Variants in IGSF21 observed in about 807,000 individuals in gnomAD.
The protein encoded by IGSF21 is immunoglobin superfamily member 21.
Under a neutral mutation model 46.8 loss-of-function variants are expected in IGSF21, and 28 were observed. The observed-to-expected ratio is 0.60, with a 90% confidence interval of 0.44 to 0.82. The LOEUF (loss-of-function observed/expected upper bound fraction) is 0.82. Ranked by LOEUF, IGSF21 falls within the 40% of genes least tolerant of loss-of-function variation. The pLI is 0.00. For synonymous variants in IGSF21, 284 were observed against 273.6 expected (o/e 1.04, Z -0.38); for missense variants, 624 against 665.5 (o/e 0.94, Z 0.69).
chr1:18,361,946 C>T (rs1487789559), intron 4 of IGSF21, 169 bp from the exon 5 acceptor site: 4 of 592,692 alleles, frequency 6.7e-6, no homozygotes, highest in Non-Finnish European at 1.2e-5. Flanking sequence ...CCAGCAAGGA[C>T]GTGTTCCTCA....
At chr1:18,324,277 A>G (rs1025223887) in intron 3 of IGSF21, among the ~76,000 whole-genome samples, 2 of 152,306 alleles carry the variant, frequency 1.3e-5, no homozygotes, top group Admixed American at 6.5e-5. Flanking sequence ...TTGTGTGGTG[A>G]AAAGAGCACC....
intron 3 of IGSF21, among the ~76,000 whole-genome samples, chr1:18,304,248 C>G (rs2124578407): frequency 6.6e-6 from 1 of 152,304 alleles, no homozygotes; most frequent in South Asian, 2.1e-4. Flanking sequence ...TAGGACAGAA[C>G]TCACGAGTTG....
At chr1:18,325,319 G>T (rs2085646918) in intron 3 of IGSF21, among the ~76,000 whole-genome samples, 1 of 152,134 alleles carries the variant, frequency 6.6e-6, no homozygotes, top group South Asian at 2.1e-4. Flanking sequence ...CTAGGCTCTG[G>T]TATTTGAGGT....
Position 18,376,710 on chromosome 1 carries a change from G to A in IGSF21, c.1102-90G>A, listed in dbSNP as rs1375439587. 5.5e-6 allele frequency: 7 copies of A among 1,279,616 alleles called. No individual in the cohort carries two copies. The East Asian group carries it at 9.4e-5, about 17-fold the overall frequency. 79.3% of individuals were successfully genotyped at this position (1,279,616 alleles called of 1,614,324 possible). A position where few individuals can be genotyped will look rare whatever the true frequency, so the allele number is the denominator to read the frequency against. On this transcript the variant is annotated intron_variant, in intron 7 of 9. Transcript: ENST00000251296. ...CTAACCCGTCGGATGAGAATGCTGT[G>A]CCACCCCTGGCCAGGCAGCCCCTGA...
At chr1:18,376,497 T>A in intron 7 of IGSF21, 102 bp downstream of exon 7, 1 of 868,820 alleles carries the variant, frequency 1.2e-6, no homozygotes, top group Non-Finnish European at 2.0e-6. Flanking sequence ...CTTCCTTTGA[T>A]CCCCAGCCAC....
chr1:18,199,979 A>G (rs1432058216), intron 1 of IGSF21, among the ~76,000 whole-genome samples: 3 of 151,834 alleles, frequency 2.0e-5, no homozygotes, highest in African/African-American at 4.8e-5. Context: ...AGCGGGTCCA[A>G]GGGGGCTCTG....
At position 18,365,704 on chromosome 1, in the gene IGSF21, C is replaced by T. The variant is rs2086157853; in HGVS notation, c.1015+7C>T. 6.2e-7 allele frequency: 1 copy of T among 1,603,428 alleles called. No homozygotes were observed. Among genetic ancestry groups the T allele is most frequent in the Non-Finnish European group, 8.5e-7 (1 of 1,173,008 alleles). On this transcript the variant is annotated splice_region_variant and intron_variant, in intron 6 of 9. Transcript: ENST00000251296. The surrounding 1 kb of genome is among the most constrained non-coding windows in gnomAD (Gnocchi z 4.8). ...CAGGCAGAGGTCACGCTGGGTAAGA[C>T]TTGGTGGGGGCCCTTCTGTAGAGCC...
intron 1 of IGSF21, among the ~76,000 whole-genome samples, chr1:18,200,302 G>C (rs901033035): frequency 6.6e-6 from 1 of 152,186 alleles, no homozygotes; most frequent in Non-Finnish European, 1.5e-5. Flanking sequence ...GGTAGACAGC[G>C]CCCCCCTTTG....
intron 6 of IGSF21, among the ~76,000 whole-genome samples, chr1:18,367,512 C>T (rs1339738621): frequency 6.6e-6 from 1 of 151,882 alleles, no homozygotes; most frequent in African/African-American, 2.4e-5. Context: ...CCACTGAACT[C>T]ACCAGCCCCA....
At chr1:18,144,695 G>A (rs935850677) in intron 1 of IGSF21, among the ~76,000 whole-genome samples, 3 of 151,796 alleles carry the variant, frequency 2.0e-5, no homozygotes, top group South Asian at 4.2e-4. Context: ...GCCAGAGCAC[G>A]TTGCTGATCT....
Position 18,366,291 on chromosome 1 carries a change from C to T in IGSF21, c.1015+594C>T, listed in dbSNP as rs116324061. Among the ~76,000 whole-genome samples, 817 of 152,170 alleles carry T rather than the reference C, an allele frequency of 5.4e-3. 9 individuals are homozygous for T. Among genetic ancestry groups the T allele is most frequent in the African/African-American group, 0.019 (769 of 41,504 alleles). ...GGGTAAATAAAGTATACACAAGAGT[C>T]GGGTTTCTTCAGGAAGGGTTGCTGA... On this transcript the variant is annotated intron_variant, in intron 6 of 9. Transcript: ENST00000251296.
chr1:18,341,048 T>TTCTTCTTCTTCTTCTTCC, intron 4 of IGSF21, among the ~76,000 whole-genome samples: 1 of 91,602 alleles, frequency 1.1e-5, no homozygotes, highest in South Asian at 5.3e-4. Flanking sequence ...CTTCTTCCTC[T>TTCTTCTTCTTCTTCTTCC]TCCTCTTCCT....
chr1:18,218,377 G>A lies in IGSF21; in HGVS notation c.71-9521G>A, dbSNP rs111847034. On this transcript the variant is annotated intron_variant, in intron 1 of 9. Coordinates refer to ENST00000251296, the MANE Select transcript of IGSF21 (RefSeq NM_032880.5). ...CTTCCAACACTGGGTATTACGATTC[G>A]ACATGAGATTTGGGTGGAGACCACA... Among the ~76,000 whole-genome samples, 1,514 of 152,284 alleles carry A rather than the reference G, an allele frequency of 9.9e-3. 19 individuals are homozygous for A. Among genetic ancestry groups the A allele is most frequent in the Non-Finnish European group, 0.014 (933 of 68,034 alleles).
intron 5 of IGSF21, among the ~76,000 whole-genome samples, chr1:18,364,760 C>T (rs1310561571): frequency 1.3e-5 from 2 of 152,080 alleles, no homozygotes; most frequent in African/African-American, 4.8e-5. Context: ...CATCCTCTCC[C>T]AACGTCTCAC....
At position 18,376,675 on chromosome 1, in the gene IGSF21, G is replaced by A. The variant is rs915165266; in HGVS notation, c.1102-125G>A. 5.7e-6 allele frequency: 5 copies of A among 873,160 alleles called. No homozygotes were observed. The South Asian group carries it at 6.7e-5, about 12-fold the overall frequency. 54.1% of individuals were successfully genotyped at this position (873,160 alleles called of 1,614,324 possible). ...ACTCCTCCTCCTCCTGGAGTTCAGG[G>A]CAGCCACTCCTAACCCGTCGGATGA... On this transcript the variant is annotated intron_variant, in intron 7 of 9. Transcript: ENST00000251296.
In IGSF21 at chr1:18,337,292, T is replaced by C. The variant is rs966587582; in HGVS notation, c.424+2282T>C. 1.3e-5 allele frequency among the ~76,000 whole-genome samples: 2 copies of C among 152,202 alleles called. No homozygotes were observed. Among genetic ancestry groups the C allele is most frequent in the African/African-American group, 4.8e-5 (2 of 41,466 alleles). On this transcript the variant is annotated intron_variant, in intron 4 of 9. Transcript: ENST00000251296. This position sits in a 1 kb window ranked among gnomAD's most constrained non-coding sequence, Gnocchi z 5.7. ...TCCTGTGGGCCTCAATTTCCCCATC[T>C]GTAAAACAGGGATAAGGATGCTTCC...
chr1:18,251,189 G>A (rs1322927971), intron 2 of IGSF21, among the ~76,000 whole-genome samples: 2 of 152,166 alleles, frequency 1.3e-5, no homozygotes, highest in Admixed American at 1.3e-4. Context: ...ATTGGGCTTT[G>A]TAGATCTTAT....
chr1:18,140,290 CAGCAGGGTGGA>C (rs1257083158), intron 1 of IGSF21, among the ~76,000 whole-genome samples: 1 of 152,222 alleles, frequency 6.6e-6, no homozygotes. Flanking sequence ...CCTAGTTCCC[CAGCAGGGTGGA>C]GTTCTAGTTG....
At chr1:18,314,310 AT>A (rs1211730292) in intron 3 of IGSF21, among the ~76,000 whole-genome samples, 2 of 152,046 alleles carry the variant, frequency 1.3e-5, no homozygotes, top group African/African-American at 2.4e-5. Flanking sequence ...AACAAAGAAA[AT>A]ATCTAGTCTG....
Sources: allele counts gnomAD v4.1 joint callset (sites outside exome capture counted in the v4.1 genomes callset), GRCh38; gene constraint gnomAD v4.1.1; non-coding constraint Gnocchi (gnomAD v3.1); transcripts MANE v1.5; gene names NCBI Gene and HGNC (gene_info 2026-07-23, HGNC 2026-07-21).